ADAM12: variants seen among roughly 807,000 people sequenced by gnomAD.
ADAM12 encodes the protein disintegrin and metalloproteinase domain-containing protein 12.
Under a neutral mutation model 106.4 loss-of-function variants are expected in ADAM12, and 70 were observed. That is an observed-to-expected ratio of 0.66 (90% CI 0.54 to 0.80). ADAM12 has a LOEUF of 0.80. Among genes scored for constraint, ADAM12 ranks in the 30% least tolerant of loss-of-function variants. ADAM12 has a pLI of 0.00. For missense variants in ADAM12, 1,010 were observed against 1,171.9 expected, an observed-to-expected ratio of 0.86 and a Z score of 2.02; for synonymous variants, 420 against 433.5, an observed-to-expected ratio of 0.97 and a Z score of 0.39.
intron 5 of ADAM12, among the ~76,000 whole-genome samples, chr10:126,123,252 T>C (rs1956144966): frequency 6.6e-6 from 1 of 152,266 alleles, no homozygotes; most frequent in Non-Finnish European, 1.5e-5. Context: ...CAGCCCTTAC[T>C]GGCCCTGAGT....
At chr10:126,350,097 C>G (rs1385690969) in intron 1 of ADAM12, among the ~76,000 whole-genome samples, 1 of 152,150 alleles carries the variant, frequency 6.6e-6, no homozygotes, top group East Asian at 1.9e-4. Context: ...CAATGATATT[C>G]TTATAAATAT....
At position 126,035,403 on chromosome 10, in the gene ADAM12, G is replaced by C. The variant is rs73374545; in HGVS notation, c.2529+743C>G. Among the ~76,000 whole-genome samples the C allele has an allele frequency of 5.5e-3, 839 of 152,202 alleles. 7 individuals carry two copies. Among genetic ancestry groups the C allele is most frequent in the African/African-American group, 0.017 (689 of 41,528 alleles). ...ACTTAAACATTTATATTCAAGTATA[G>C]TGTTATTATTAAATAGGATTTTTAA... is the stretch of plus-strand genomic sequence containing the variant. On this transcript the variant is annotated intron_variant, in intron 21 of 22. Coordinates refer to ENST00000448723, the MANE Select transcript of ADAM12 (RefSeq NM_001288973.2).
chr10:126,280,784 C>G (rs190030356), intron 2 of ADAM12, among the ~76,000 whole-genome samples: 1 of 151,996 alleles, frequency 6.6e-6, no homozygotes, highest in African/African-American at 2.4e-5. Flanking sequence ...GAAATTCTTA[C>G]GTATCTTTTC....
chr10:126,152,008 GTTTTTTTTT>G (rs59527849), intron 4 of ADAM12, among the ~76,000 whole-genome samples: 2 of 133,102 alleles, frequency 1.5e-5, no homozygotes, highest in African/African-American at 5.5e-5. Flanking sequence ...TCCCTCTTGA[GTTTTTTTTT>G]TTTTTTTTTG....
intron 5 of ADAM12, among the ~76,000 whole-genome samples, chr10:126,125,643 C>T (rs763099279): frequency 1.5e-4 from 23 of 151,946 alleles, no homozygotes; most frequent in Admixed American, 5.9e-4. Context: ...GTCCCCAGGT[C>T]ACTGCAGGGG....
intron 4 of ADAM12, among the ~76,000 whole-genome samples, chr10:126,145,065 T>A (rs1956600563): frequency 6.6e-6 from 1 of 152,220 alleles, no homozygotes; most frequent in Non-Finnish European, 1.5e-5. Flanking sequence ...GAACGTGGGT[T>A]TGCCCCTTGC....
At chr10:126,178,532 G>A (rs1957260923) in intron 3 of ADAM12, among the ~76,000 whole-genome samples, 1 of 148,654 alleles carries the variant, frequency 6.7e-6, no homozygotes, top group African/African-American at 2.5e-5. Flanking sequence ...TTCTTTGTAT[G>A]CTTGTAAAAA....
At chr10:126,163,706 T>C (rs775066647) in intron 3 of ADAM12, among the ~76,000 whole-genome samples, 1 of 152,238 alleles carries the variant, frequency 6.6e-6, no homozygotes. Context: ...AGCCTTTCTC[T>C]TGTGTTCTGC....
At chr10:126,205,747 A>T (rs1219514346) in intron 3 of ADAM12, among the ~76,000 whole-genome samples, 20 of 152,234 alleles carry the variant, frequency 1.3e-4, no homozygotes, top group Admixed American at 1.3e-3. Flanking sequence ...CTGCCCTTCC[A>T]TTACTCATGA....
chr10:126,018,937 C>G (rs909057400), intron 22 of ADAM12, among the ~76,000 whole-genome samples: 1 of 152,178 alleles, frequency 6.6e-6, no homozygotes, highest in African/African-American at 2.4e-5. Flanking sequence ...TGGGCAGATT[C>G]TGCTGAGAGT....
At chr10:126,124,063 C>T (rs1956158860) in intron 5 of ADAM12, among the ~76,000 whole-genome samples, 1 of 152,078 alleles carries the variant, frequency 6.6e-6, no homozygotes, top group Non-Finnish European at 1.5e-5. Flanking sequence ...CAGCAGGCAC[C>T]GGGGCCGCTT....
intron 2 of ADAM12, among the ~76,000 whole-genome samples, chr10:126,281,257 A>T (rs894787205): frequency 2.6e-5 from 4 of 151,876 alleles, no homozygotes; most frequent in Non-Finnish European, 5.9e-5. Context: ...ACATGTGTGT[A>T]TAACTACATG....
At chr10:126,253,927 T>C (rs1281612817) in intron 3 of ADAM12, among the ~76,000 whole-genome samples, 5 of 152,336 alleles carry the variant, frequency 3.3e-5, no homozygotes, top group Non-Finnish European at 7.4e-5. Flanking sequence ...TACCTGGAGT[T>C]GAGCAATTAC....
chr10:126,140,885 C>G (rs1471789463), intron 4 of ADAM12, among the ~76,000 whole-genome samples: 1 of 152,098 alleles, frequency 6.6e-6, no homozygotes. Context: ...TCTTCAACCC[C>G]TGGGGGTGGG....
At chr10:126,057,887 T>C (rs918071109) in intron 14 of ADAM12, among the ~76,000 whole-genome samples, 1 of 152,232 alleles carries the variant, frequency 6.6e-6, no homozygotes. Context: ...ATTTTCCCCA[T>C]GGGAAATCCA....
At chr10:126,352,991 T>A (rs1470606993) in intron 1 of ADAM12, among the ~76,000 whole-genome samples, 1 of 152,200 alleles carries the variant, frequency 6.6e-6, no homozygotes, top group Non-Finnish European at 1.5e-5. Context: ...GCACAAAGGC[T>A]GCTCTTGCTG....
chr10:126,366,581 ATAAT>A (rs746956659), intron 1 of ADAM12, among the ~76,000 whole-genome samples: 2 of 152,294 alleles, frequency 1.3e-5, no homozygotes, highest in Middle Eastern at 3.4e-3. Context: ...CTCCATAAGA[ATAAT>A]TAAGTGTAAT....
intron 11 of ADAM12, among the ~76,000 whole-genome samples, chr10:126,080,747 G>GAA (rs142251362): frequency 1.5e-4 from 23 of 152,006 alleles, no homozygotes; most frequent in African/African-American, 5.6e-4. Context: ...TGATTTTGGG[G>GAA]AAAAAAACAC....
Position 126,014,704 on chromosome 10 carries a change from C to T in ADAM12, c.*2575G>A, listed in dbSNP as rs1397276551. 3 of 152,036 alleles carry T rather than the reference C, an allele frequency of 2.0e-5. No homozygotes were observed. Among genetic ancestry groups the T allele is most frequent in the Non-Finnish European group, 4.4e-5 (3 of 68,020 alleles). The allele number at this position is 152,036 out of a possible 1,614,324, so 9.4% of individuals were successfully genotyped here. ...AACCCATGAAGTGAGGTCATAGAACCTACAACTATAATAAGCTGTAGGAAG... is the reference window on the plus strand; with the variant it reads ...AACCCATGAAGTGAGGTCATAGAACTTACAACTATAATAAGCTGTAGGAAG... On this transcript the variant is annotated 3_prime_UTR_variant, in exon 23 of 23. Coordinates refer to ENST00000448723, the MANE Select transcript of ADAM12 (RefSeq NM_001288973.2).
Sources: allele counts gnomAD v4.1 joint callset (sites outside exome capture counted in the v4.1 genomes callset), GRCh38; gene constraint gnomAD v4.1.1; transcripts MANE v1.5; gene names NCBI Gene and HGNC (gene_info 2026-07-23, HGNC 2026-07-21).